NAAA: variants seen among roughly 807,000 people sequenced by gnomAD.
NAAA encodes N-acylethanolamine-hydrolyzing acid amidase.
NAAA carries 39 observed loss-of-function variants against 44.8 expected under a neutral mutation model. That is an observed-to-expected ratio of 0.87 (90% confidence interval 0.67 to 1.14). The LOEUF (loss-of-function observed/expected upper bound fraction) is 1.14. Among genes scored for constraint, NAAA ranks in the 50% most tolerant of loss-of-function variants. NAAA has a pLI of 0.00. For missense variants in NAAA, 460 were observed against 467.8 expected (o/e 0.98, Z 0.15); for synonymous variants, 178 against 191.3 (o/e 0.93, Z 0.58).
chr4:75,918,238 G>A (rs911922856), intron 9 of NAAA, among the ~76,000 whole-genome samples: 3 of 152,224 alleles, frequency 2.0e-5, no homozygotes, highest in Non-Finnish European at 1.5e-5. Flanking sequence ...CAGATCATGA[G>A]GTCAGGAGAT....
chr4:75,924,868 A>G (rs951267268), intron 5 of NAAA, among the ~76,000 whole-genome samples: 5 of 152,218 alleles, frequency 3.3e-5, no homozygotes, highest in African/African-American at 1.2e-4. Flanking sequence ...TCAGATGACT[A>G]GTCCCCCTTA....
chr4:75,919,888 G>A (rs1725987470), intron 8 of NAAA, 21 bp downstream of exon 8: 1 of 1,600,514 alleles, frequency 6.2e-7, no homozygotes, highest in East Asian at 2.2e-5. Context: ...TAGGTATGCA[G>A]GACACTGTGA....
chr4:75,918,068 A>T (rs1235310425), intron 9 of NAAA, among the ~76,000 whole-genome samples: 1 of 152,230 alleles, frequency 6.6e-6, no homozygotes, highest in Non-Finnish European at 1.5e-5. Context: ...CACTGCCAGA[A>T]TATTTCAAAT....
intron 9 of NAAA, chr4:75,917,776 TAA>T (rs34444403): frequency 0.076 from 27,325 of 361,254 alleles, no homozygotes; most frequent in South Asian, 0.12. Flanking sequence ...TGCTTTCACT[TAA>T]AAAAAAAAAA....
At chr4:75,920,841 T>C in intron 6 of NAAA, 41 bp from the exon 7 acceptor site, 1 of 1,614,078 alleles carries the variant, frequency 6.2e-7, no homozygotes, top group South Asian at 1.1e-5. Context: ...CAAGGCAATT[T>C]ACGACATAGC....
rs768260072 is a variant in NAAA, at chr4:75,936,178, A to G, written c.429T>C (p.Asn143=). 6.2e-7 allele frequency: 1 copy of G among 1,614,112 alleles called. No individual in the cohort carries two copies. Among genetic ancestry groups the G allele is most frequent in the Non-Finnish European group, 8.5e-7 (1 of 1,179,992 alleles). ...AGACATTCCCAAAAGGATAATCCAAATTCCGACCATGGTAAATGTGGCCTC... is the reference window on the plus strand; with the variant it reads ...AGACATTCCCAAAAGGATAATCCAAGTTCCGACCATGGTAAATGTGGCCTC... ...DSRGHIYHGR[N]LDYPFGNVLR... Residue 143 remains asparagine, a synonymous_variant, in exon 3 of 11, where the codon AAT becomes AAC. Coordinates refer to ENST00000286733, the MANE Select transcript of NAAA (RefSeq NM_014435.4).
intron 1 of NAAA, 31 bp from the exon 2 acceptor site, chr4:75,940,196 C>T: frequency 6.2e-7 from 1 of 1,603,128 alleles, no homozygotes; most frequent in Non-Finnish European, 8.5e-7. Context: ...GGCGTCTGAC[C>T]CGCTCAGAGG....
chr4:75,933,078 T>A (rs1727382456), intron 3 of NAAA, among the ~76,000 whole-genome samples: 1 of 143,010 alleles, frequency 7.0e-6, no homozygotes, highest in Non-Finnish European at 1.5e-5. Context: ...GAGGTTGCCG[T>A]GAGCCAAGAT....
At chr4:75,915,080 C>A in intron 9 of NAAA, 95 bp from the exon 10 acceptor site, 1 of 905,746 alleles carries the variant, frequency 1.1e-6, no homozygotes, top group South Asian at 1.3e-5. Context: ...CACTTGAGAT[C>A]TGGGACAAGG....
At chr4:75,926,435 C>T (rs1335482126) in intron 4 of NAAA, among the ~76,000 whole-genome samples, 1 of 151,510 alleles carries the variant, frequency 6.6e-6, no homozygotes, top group African/African-American at 2.4e-5. Flanking sequence ...GTGGCGGGCA[C>T]CTGTAATCCC....
chr4:75,918,623 C>T lies in NAAA; in HGVS notation c.998+138G>A, dbSNP rs542850170. 3.2e-5 allele frequency: 26 copies of T among 801,348 alleles called. 1 individual carries two copies. In the South Asian group the frequency reaches 3.8e-4, roughly 12 times the overall value. The allele number at this position is 801,348 out of a possible 1,614,324, so 49.6% of individuals were successfully genotyped here. ...GACTTTGTTTTGCTCGCAGCTGTACCCACAGGAGTGCCCCCACAGGAGTGC... is the reference window on the plus strand; with the variant it reads ...GACTTTGTTTTGCTCGCAGCTGTACTCACAGGAGTGCCCCCACAGGAGTGC... On this transcript the variant is annotated intron_variant, in intron 9 of 10. Coordinates refer to ENST00000286733, the MANE Select transcript of NAAA (RefSeq NM_014435.4).
chr4:75,919,960 C>T lies in NAAA; in HGVS notation c.918G>A (p.Lys306=). 6.2e-7 allele frequency: 1 copy of T among 1,614,032 alleles called. No individual in the cohort carries two copies. The highest frequency in any genetic ancestry group is 1.3e-5 in the African/African-American group (1 of 75,048). The change falls in exon 8 of 11, where the codon AAG becomes AAA. Residue 306 remains lysine, a synonymous_variant. Transcript: ENST00000286733. ...KEDDRRTSAI[K]ALNATGQANL... ...TTGCTTGTCCTGTAGCATTAAGGGC[C>T]TTGATGGCAGATGTTCTGTAAGGAC...
At chr4:75,940,584 C>T (rs969468243) in intron 1 of NAAA, among the ~76,000 whole-genome samples, 160 bp downstream of exon 1, 1 of 152,256 alleles carries the variant, frequency 6.6e-6, no homozygotes, top group African/African-American at 2.4e-5. Context: ...GCGCTGGATT[C>T]TCCCCAACCC....
In NAAA at chr4:75,919,901, CAA is replaced by C. The variant is rs770209699; in HGVS notation, c.969+6_969+7del. 3 of 1,610,394 alleles carry C rather than the reference CAA, an allele frequency of 1.9e-6. No individual in the cohort carries two copies. Among genetic ancestry groups the C allele is most frequent in the Non-Finnish European group, 2.5e-6 (3 of 1,176,634 alleles). On this transcript the variant is annotated splice_donor_region_variant and intron_variant, in intron 8 of 10. Coordinates refer to ENST00000286733, the MANE Select transcript of NAAA (RefSeq NM_014435.4). Reference sequence around the variant, plus strand: ...CCTAGGTATGCAGGACACTGTGACACAAGTTACCTGGAAAAGTGCCTCCAGGC... The same window carrying C: ...CCTAGGTATGCAGGACACTGTGACACGTTACCTGGAAAAGTGCCTCCAGGC...
At chr4:75,918,940 C>T (rs1028895990) in intron 8 of NAAA, 151 bp from the exon 9 acceptor site, 1 of 674,246 alleles carries the variant, frequency 1.5e-6, no homozygotes. Context: ...CCCAGGAGTT[C>T]AAGACCAGCC....
At chr4:75,912,411 G>A (rs948465130), downstream of NAAA, among the ~76,000 whole-genome samples, 2 of 151,992 alleles carry the variant, frequency 1.3e-5, no homozygotes, top group South Asian at 2.1e-4. Flanking sequence ...AAAATTAGCC[G>A]GGCATGGTGG....
rs1032372836 is a variant in NAAA, at chr4:75,913,842, G to A, written c.*533C>T. 7.1e-6 allele frequency: 7 copies of A among 985,114 alleles called. No homozygotes were observed. The highest frequency in any genetic ancestry group is 6.2e-5 in the Admixed American group (1 of 16,256). The allele number at this position is 985,114 out of a possible 1,614,324, so 61.0% of individuals were successfully genotyped here. ...AAACGTTAGAAACATTATAAAAAAC[G>A]AGACTCCCATTACATGGAAACACAT... On this transcript the variant is annotated 3_prime_UTR_variant, in exon 11 of 11. Transcript: ENST00000286733.
downstream of NAAA, among the ~76,000 whole-genome samples, chr4:75,913,484 T>C (rs1725415192): frequency 6.6e-6 from 1 of 152,066 alleles, no homozygotes. Context: ...GACTTCATCC[T>C]CAAGGACATT....
At chr4:75,925,286 T>C (rs1005916101) in intron 5 of NAAA, among the ~76,000 whole-genome samples, 2 of 152,140 alleles carry the variant, frequency 1.3e-5, no homozygotes, top group Non-Finnish European at 2.9e-5. Flanking sequence ...CCACCCTCCT[T>C]GGCCTCCCAA....
Sources: gnomAD v4.1 joint callset for allele counts (sites outside exome capture counted in the v4.1 genomes callset) on GRCh38, gnomAD v4.1.1 for gene constraint, MANE v1.5 for transcripts, NCBI Gene and HGNC (gene_info 2026-07-23, HGNC 2026-07-21) for gene names.